The following SLC7A13 variants were observed in gnomAD, a reference collection of about 807,000 sequenced individuals.
SLC7A13 encodes X-amino acid transporter 2.
A neutral mutation model predicts 32.0 loss-of-function variants in SLC7A13; 31 were observed. The ratio of observed to expected loss-of-function variants is 0.97; its 90% confidence interval spans 0.73 to 1.31. The LOEUF (loss-of-function observed/expected upper bound fraction) is 1.31. SLC7A13 is among the 50% of genes most tolerant of loss of function. SLC7A13 has a pLI of 0.00. For missense variants in SLC7A13, 633 were observed against 546.9 expected, an observed-to-expected ratio of 1.16 and a Z score of -1.57; for synonymous variants, 232 against 206.9, an observed-to-expected ratio of 1.12 and a Z score of -1.04.
At chr8:86,217,054 A>G (rs541763541) in intron 3 of SLC7A13, among the ~76,000 whole-genome samples, 8 of 152,344 alleles carry the variant, frequency 5.3e-5, no homozygotes, top group African/African-American at 1.9e-4. Flanking sequence ...TAATTTGCCA[A>G]CAAAGTAAGC....
intron 1 of SLC7A13, among the ~76,000 whole-genome samples, chr8:86,224,683 C>T (rs1430229377): frequency 6.6e-6 from 1 of 152,116 alleles, no homozygotes; most frequent in Non-Finnish European, 1.5e-5. Flanking sequence ...CCTTAATATA[C>T]AATGGCACCC....
chr8:86,223,334 C>A (rs1043107815), intron 1 of SLC7A13, among the ~76,000 whole-genome samples: 1 of 152,036 alleles, frequency 6.6e-6, no homozygotes, highest in Admixed American at 6.6e-5. Context: ...ACTCCCTCTC[C>A]CTTCCAAGTC....
chr8:86,214,491 T>C lies in SLC7A13; in HGVS notation c.1335A>G (p.Arg445=), dbSNP rs1394736747. 3.1e-6 allele frequency: 5 copies of C among 1,612,540 alleles called. No individual in the cohort carries two copies. In the Admixed American group the frequency reaches 8.3e-5, roughly 27 times the overall value. Reference sequence around the variant, plus strand: ...AAGTCATCTTCTCAAACCAAGCCAATCTTATTTTAAAATGTATTAAAGGTA... The same window carrying C: ...AAGTCATCTTCTCAAACCAAGCCAACCTTATTTTAAAATGTATTAAAGGTA... The part of the protein sequence containing the change: ...FYIPLIHFKI[R]LAWFEKMTCY... Residue 445 remains arginine (R), a synonymous_variant, in exon 4 of 4, where the codon AGA becomes AGG. Coordinates refer to ENST00000297524, the MANE Select transcript of SLC7A13 (RefSeq NM_138817.3).
intron 2 of SLC7A13, among the ~76,000 whole-genome samples, chr8:86,220,836 A>T: frequency 6.6e-6 from 1 of 151,952 alleles, no homozygotes; most frequent in Non-Finnish European, 1.5e-5. Flanking sequence ...TCTACTAAAA[A>T]TACAAAAATT....
intron 2 of SLC7A13, among the ~76,000 whole-genome samples, chr8:86,219,577 G>A (rs1430750799): frequency 6.6e-6 from 1 of 152,084 alleles, no homozygotes; most frequent in African/African-American, 2.4e-5. Flanking sequence ...ACAGCTGTTT[G>A]GATCCTCTTC....
In SLC7A13 at chr8:86,214,435, A is replaced by T. The variant is rs771176341; in HGVS notation, c.1391T>A (p.Leu464His). The T allele has an allele frequency of 3.1e-6, 5 of 1,608,332 alleles. No individual in the cohort carries two copies. The highest frequency in any genetic ancestry group is 4.2e-6 in the Non-Finnish European group (5 of 1,177,398). Reference sequence around the variant, plus strand: ...CATCTATTCCTCAGACACATCAGGGAGGCAAATATTAAATAGTAATTGTAA... The same window carrying T: ...CATCTATTCCTCAGACACATCAGGGTGGCAAATATTAAATAGTAATTGTAA... ...CYLQLLFNIC[L>H]PDVSEE is the part of the protein sequence containing the mutation. Residue 464 changes from leucine (L) to histidine (H), a missense_variant, in exon 4 of 4, where the codon CTC becomes CAC. By Grantham distance (99) the Leu-to-His change is moderately conservative (BLOSUM62 -3). Transcript: ENST00000297524.
chr8:86,221,371 A>G (rs967681197), intron 2 of SLC7A13, among the ~76,000 whole-genome samples: 1 of 152,168 alleles, frequency 6.6e-6, no homozygotes, highest in Non-Finnish European at 1.5e-5. Flanking sequence ...TACTATACCT[A>G]TACATACATT....
chr8:86,216,593 A>T (rs1158716532), intron 3 of SLC7A13, among the ~76,000 whole-genome samples: 1 of 152,210 alleles, frequency 6.6e-6, no homozygotes, highest in Admixed American at 6.5e-5. Context: ...TAAATCAACC[A>T]TAGTTGGTGA....
Position 86,225,344 on chromosome 8 carries a change from A to G in SLC7A13, c.686-2241T>C, listed in dbSNP as rs1486962247. 2.0e-5 allele frequency among the ~76,000 whole-genome samples: 3 copies of G among 152,178 alleles called. No homozygotes were observed. The East Asian group carries it at 5.8e-4, about 29-fold the overall frequency. ...CACCACTTTGGCTGTCAAGGTTTCA[A>G]TCTCCTTATAGTGAAAACTGTAGGG... On this transcript the variant is annotated intron_variant, in intron 1 of 3. Coordinates refer to ENST00000297524, the MANE Select transcript of SLC7A13 (RefSeq NM_138817.3).
intron 1 of SLC7A13, among the ~76,000 whole-genome samples, chr8:86,227,904 C>T (rs954706065): frequency 6.6e-6 from 1 of 151,968 alleles, no homozygotes. Context: ...CATGGATATA[C>T]AGAGGAAATT....
intron 1 of SLC7A13, among the ~76,000 whole-genome samples, chr8:86,225,289 A>C (rs551128969): frequency 1.3e-5 from 2 of 152,302 alleles, no homozygotes; most frequent in South Asian, 4.1e-4. Context: ...TTAGTAAAAA[A>C]TTAGAAGGTT....
At chr8:86,224,565 T>C (rs1338782594) in intron 1 of SLC7A13, among the ~76,000 whole-genome samples, 1 of 152,212 alleles carries the variant, frequency 6.6e-6, no homozygotes, top group Non-Finnish European at 1.5e-5. Flanking sequence ...GAGTGGATTC[T>C]CTAGGACAGT....
intron 3 of SLC7A13, among the ~76,000 whole-genome samples, chr8:86,216,269 G>A (rs1051715616): frequency 3.3e-5 from 5 of 152,160 alleles, no homozygotes; most frequent in African/African-American, 9.7e-5. Flanking sequence ...GCAGACGTTA[G>A]GCAGGCACCT....
rs183341627 is a variant in SLC7A13 at position 86,224,733 on chromosome 8, C to T, written c.686-1630G>A. 1.1e-3 allele frequency among the ~76,000 whole-genome samples: 163 copies of T among 152,194 alleles called. 2 individuals are homozygous for T. Among genetic ancestry groups the T allele is most frequent in the Non-Finnish European group, 1.3e-3 (88 of 68,016 alleles). On this transcript the variant is annotated intron_variant, in intron 1 of 3. Transcript: ENST00000297524. ...TGGAAAGGAACAAAGAACAGACATC[C>T]GATCCACTGGAAGCCAATGATTTTC...
chr8:86,228,616 C>T (rs548454595), intron 1 of SLC7A13, among the ~76,000 whole-genome samples: 40 of 152,094 alleles, frequency 2.6e-4, no homozygotes, highest in Middle Eastern at 3.4e-3. Context: ...GAGGCAGAGG[C>T]GGGTGGCTCA....
chr8:86,215,674 G>T (rs748018741), intron 3 of SLC7A13: 1 of 448,152 alleles, frequency 2.2e-6, no homozygotes, highest in South Asian at 1.6e-5. Flanking sequence ...CAGCCTGGAC[G>T]ACAAGAATGA....
Position 86,223,096 on chromosome 8 carries a change from C to T in SLC7A13, c.693G>A (p.Leu231=). 1 of 1,599,036 alleles carries T rather than the reference C, an allele frequency of 6.3e-7. No homozygotes were observed. The highest frequency in any genetic ancestry group is 1.1e-5 in the South Asian group (1 of 87,772). Residue 231 remains leucine (L), a synonymous_variant, in exon 2 of 4, where the codon CTG becomes CTA. Coordinates refer to ENST00000297524, the MANE Select transcript of SLC7A13 (RefSeq NM_138817.3). ...TGGGAATTGTTGTTCTGGGCTTCTT[C>T]AGCTCCCCTATAACACAAAAGAGGA... is the stretch of plus-strand genomic sequence containing the variant. ...GACFTLIAGE[L]KKPRTTIPKC...
At chr8:86,214,761 T>C in intron 3 of SLC7A13, 115 bp from the exon 4 acceptor site, 1 of 754,452 alleles carries the variant, frequency 1.3e-6, no homozygotes, top group Middle Eastern at 2.5e-4. Context: ...ACAGGCTAAA[T>C]TAGCTGTAAA....
chr8:86,221,531 T>C (rs899745382), intron 2 of SLC7A13, among the ~76,000 whole-genome samples: 31 of 152,292 alleles, frequency 2.0e-4, no homozygotes, highest in African/African-American at 7.2e-4. Flanking sequence ...TAGTTACATA[T>C]GTATACGTGT....
Sources: allele counts gnomAD v4.1 joint callset (sites outside exome capture counted in the v4.1 genomes callset), GRCh38; gene constraint gnomAD v4.1.1; transcripts MANE v1.5; gene names NCBI Gene and HGNC (gene_info 2026-07-23, HGNC 2026-07-21).